Variants in PRDM15 observed in about 807,000 individuals in gnomAD.
PRDM15 encodes PR domain zinc finger protein 15.
Under a neutral mutation model 128.6 loss-of-function variants are expected in PRDM15, and 64 were observed. The observed-to-expected ratio is 0.50, with a 90% CI of 0.41 to 0.61. The LOEUF (loss-of-function observed/expected upper bound fraction) is 0.61, where lower values mean the gene tolerates loss of function less well. PRDM15 is among the 20% of genes least tolerant of loss of function. The probability of loss-of-function intolerance (pLI) is 0.00; values close to 1 mark genes in which losing one functional copy is unlikely to be tolerated. For synonymous variants in PRDM15, 615 were observed against 621.8 expected (o/e 0.99, Z 0.16); for missense variants, 1,242 against 1,569.1 (o/e 0.79, Z 3.52).
At chr21:41,824,909 C>A (rs919730143) in intron 13 of PRDM15, among the ~76,000 whole-genome samples, 1 of 152,244 alleles carries the variant, frequency 6.6e-6, no homozygotes, top group Non-Finnish European at 1.5e-5. Context: ...GAAGGCAGGA[C>A]GGCGGGGACG....
rs2061480167 is a variant in PRDM15, at chr21:41,803,729, T to A, written c.2733+805A>T. 2.6e-5 allele frequency among the ~76,000 whole-genome samples: 4 copies of A among 152,270 alleles called. No homozygotes were observed. In the South Asian group the frequency reaches 8.3e-4, roughly 32 times the overall value. On this transcript the variant is annotated intron_variant, in intron 22 of 23. Transcript: ENST00000398548. Reference sequence around the variant, plus strand: ...GGGCTGGGGCTGGAGCCGCCGTACGTCACTCAGCCGGACCCAGTGCCCTTC... The same window carrying A: ...GGGCTGGGGCTGGAGCCGCCGTACGACACTCAGCCGGACCCAGTGCCCTTC...
chr21:41,822,913 T>C (rs543993172), intron 14 of PRDM15, among the ~76,000 whole-genome samples: 3 of 151,806 alleles, frequency 2.0e-5, no homozygotes, highest in Non-Finnish European at 4.4e-5. Flanking sequence ...TGGATGCTTA[T>C]AGTTCCAGCT....
At position 41,807,543 on chromosome 21, in the gene PRDM15, A is replaced by G. The variant is rs531887952; in HGVS notation, c.2652+2611T>C. On this transcript the variant is annotated intron_variant, in intron 21 of 23. Transcript: ENST00000398548. ...CCCGAGTCCCCTTCCTTCCCCTCACACTGCTGTCTAGGGTCATCTCTTCCA... is the reference window on the plus strand; with the variant it reads ...CCCGAGTCCCCTTCCTTCCCCTCACGCTGCTGTCTAGGGTCATCTCTTCCA... Among the ~76,000 whole-genome samples, 23 of 151,954 alleles carry G rather than the reference A, an allele frequency of 1.5e-4. No individual in the cohort carries two copies. The South Asian group carries it at 4.6e-3, about 30-fold the overall frequency.
Position 41,859,772 on chromosome 21 carries a change from T to A in PRDM15, c.38-87A>T, listed in dbSNP as rs916509291. ...CTGGGAAATGGGGACCCTGGCCCCA[T>A]GAGGGTGACCCAGAGTCATGAGACA... On this transcript the variant is annotated intron_variant, in intron 2 of 23. Coordinates refer to ENST00000398548, the MANE Select transcript of PRDM15 (RefSeq NM_001040424.3). This position sits in a 1 kb window ranked among gnomAD's most constrained non-coding sequence, Gnocchi z 5.3. 1.8e-6 allele frequency: 2 copies of A among 1,095,178 alleles called. No individual in the cohort carries two copies. Among genetic ancestry groups the A allele is most frequent in the Non-Finnish European group, 2.7e-6 (2 of 734,584 alleles). The allele number at this position is 1,095,178 out of a possible 1,614,324, so 67.8% of individuals were successfully genotyped here.
chr21:41,850,690 C>T (rs1028298958), intron 5 of PRDM15, among the ~76,000 whole-genome samples: 1 of 152,134 alleles, frequency 6.6e-6, no homozygotes, highest in Non-Finnish European at 1.5e-5. Context: ...CACGATCATG[C>T]CACTGCACTC....
rs772658570 is a variant in PRDM15 at position 41,821,179 on chromosome 21, T to C, written c.1948A>G (p.Lys650Glu). 1 of 1,614,194 alleles carries C rather than the reference T, an allele frequency of 6.2e-7. No homozygotes were observed. ...EYLKHIMEVH[K>E]EKGYGCSICN... ...ATGCTGCAGCCATAGCCCTTCTCCTTGTGCACCTCCATGATGTGCTTCAGG... is the reference window on the plus strand; with the variant it reads ...ATGCTGCAGCCATAGCCCTTCTCCTCGTGCACCTCCATGATGTGCTTCAGG... Residue 650 changes from lysine to glutamate, a missense_variant, in exon 16 of 24, where the codon AAG becomes GAG. By Grantham distance (56) the Lys-to-Glu change is moderately conservative. Around this residue, in one of 3 missense-constraint regions of PRDM15, gnomAD observed 602 missense variants for 788.3 expected, o/e 0.76. Coordinates refer to ENST00000398548, the MANE Select transcript of PRDM15 (RefSeq NM_001040424.3). The surrounding 1 kb of genome is among the most constrained non-coding windows in gnomAD (Gnocchi z 5.4).
Position 41,821,821 on chromosome 21 carries a change from C to A in PRDM15, c.1896+82G>T. 2 of 1,542,898 alleles carry A rather than the reference C, an allele frequency of 1.3e-6. No individual in the cohort carries two copies. The highest frequency in any genetic ancestry group is 1.8e-6 in the Non-Finnish European group (2 of 1,126,150). On this transcript the variant is annotated intron_variant, in intron 15 of 23. Coordinates refer to ENST00000398548, the MANE Select transcript of PRDM15 (RefSeq NM_001040424.3). This position sits in a 1 kb window ranked among gnomAD's most constrained non-coding sequence, Gnocchi z 5.4. ...GCTGCTTCCGAGATGCATGAAGGTG[C>A]CTGCTGTGTGGGGCCCACAGCCTTG... is the stretch of plus-strand genomic sequence containing the variant.
At chr21:41,823,090 T>C (rs913532022) in intron 14 of PRDM15, 16 of 530,408 alleles carry the variant, frequency 3.0e-5, no homozygotes, top group African/African-American at 2.7e-4. Context: ...CCTACCCTTC[T>C]ACCATGTGAG....
chr21:41,841,385 G>C (rs2063070288), intron 6 of PRDM15, among the ~76,000 whole-genome samples: 1 of 152,150 alleles, frequency 6.6e-6, no homozygotes, highest in African/African-American at 2.4e-5. Context: ...AAGAGAATAA[G>C]AATAAACCCA....
intron 18 of PRDM15, among the ~76,000 whole-genome samples, chr21:41,818,921 G>A (rs898010919): frequency 1.3e-5 from 2 of 152,256 alleles, no homozygotes; most frequent in South Asian, 2.1e-4. Flanking sequence ...TTCCTCGGCC[G>A]TGGTGAGTTT....
chr21:41,821,985 C>G lies in PRDM15; in HGVS notation c.1814G>C (p.Gly605Ala). ...HQREEFIGKI[G>A]ISSEENDDNS... The stretch of plus-strand genomic sequence containing the variant: ...GTCATCGTTTTCTTCCGAGGAGATC[C>G]CGATCTTGCCGATAAACTCTTCCCT... The change falls in exon 15 of 24, where the codon GGG becomes GCG. Residue 605 changes from glycine (G) to alanine (A), a missense_variant. By Grantham distance (60) the Gly-to-Ala change is moderately conservative (BLOSUM62 0). This residue lies in a region of PRDM15 where 602 missense variants were observed against 788.3 expected (regional missense o/e 0.76). Coordinates refer to ENST00000398548, the MANE Select transcript of PRDM15 (RefSeq NM_001040424.3). This position sits in a 1 kb window ranked among gnomAD's most constrained non-coding sequence, Gnocchi z 5.4. 1 of 1,614,188 alleles carries G rather than the reference C, an allele frequency of 6.2e-7. No homozygotes were observed. The highest frequency in any genetic ancestry group is 8.5e-7 in the Non-Finnish European group (1 of 1,180,044).
At chr21:41,815,911 G>A in intron 18 of PRDM15, 75 bp from the exon 19 acceptor site, 2 of 1,585,254 alleles carry the variant, frequency 1.3e-6, no homozygotes, top group Non-Finnish European at 1.7e-6. Context: ...CGAGACCCTG[G>A]GGCAGGCACA....
At chr21:41,864,077 C>T (rs1183496800) in intron 1 of PRDM15, among the ~76,000 whole-genome samples, 1 of 152,160 alleles carries the variant, frequency 6.6e-6, no homozygotes, top group South Asian at 2.1e-4. Flanking sequence ...CTCTTGACCT[C>T]GTGATCTGCC....
chr21:41,870,174 T>C (rs1010509308), intron 1 of PRDM15, among the ~76,000 whole-genome samples: 6 of 152,242 alleles, frequency 3.9e-5, no homozygotes, highest in Non-Finnish European at 7.3e-5. Context: ...GATTCACATA[T>C]GTAATTTTAG....
At chr21:41,834,991 T>G (rs17113969) in intron 11 of PRDM15, among the ~76,000 whole-genome samples, 9,043 of 152,290 alleles carry the variant, frequency 0.059, 319 homozygotes, top group Middle Eastern at 0.12. Flanking sequence ...CGTTCCACCC[T>G]GGACGCCGCA....
chr21:41,826,136 T>C, intron 12 of PRDM15, 82 bp from the exon 13 acceptor site: 1 of 1,193,698 alleles, frequency 8.4e-7, no homozygotes, highest in Non-Finnish European at 1.2e-6. Context: ...TCAGCCAGCA[T>C]CCTTTCCAGC....
rs2063014587 is a variant in PRDM15 at position 41,839,755 on chromosome 21, C to T, written c.739G>A (p.Glu247Lys). ...TCGCTCTCGGGCACTGCAGGGGGTT[C>T]CCCCCGGGGTGTGTCCTGCTCCTTC... is the stretch of plus-strand genomic sequence containing the variant. Reference protein sequence around the residue: ...PEKEQDTPRGEPPAVPESENV... With the variant: ...PEKEQDTPRGKPPAVPESENV... The change falls in exon 7 of 24, where the codon GAA becomes AAA. Residue 247 changes from glutamate to lysine, a missense_variant. Transcript: ENST00000398548. 3.1e-6 allele frequency: 5 copies of T among 1,614,152 alleles called. No homozygotes were observed. Among genetic ancestry groups the T allele is most frequent in the Non-Finnish European group, 4.2e-6 (5 of 1,179,966 alleles).
intron 1 of PRDM15, among the ~76,000 whole-genome samples, chr21:41,872,891 C>T (rs1241150195): frequency 6.6e-6 from 1 of 152,236 alleles, no homozygotes; most frequent in East Asian, 1.9e-4. Flanking sequence ...TAGGTGGCTT[C>T]ACGTGCATGT....
intron 1 of PRDM15, among the ~76,000 whole-genome samples, chr21:41,867,133 A>G (rs2064036845): frequency 6.9e-6 from 1 of 145,956 alleles, no homozygotes; most frequent in South Asian, 2.1e-4. Flanking sequence ...CTCAGCCCAG[A>G]AAGCCCAGAA....
Sources: allele counts gnomAD v4.1 joint callset (sites outside exome capture counted in the v4.1 genomes callset), GRCh38; gene constraint gnomAD v4.1.1; regional missense constraint gnomAD v4.1.1; non-coding constraint Gnocchi (gnomAD v3.1); transcripts MANE v1.5; gene names NCBI Gene and HGNC (gene_info 2026-07-23, HGNC 2026-07-21).